CREB5: variants seen among roughly 807,000 people sequenced by gnomAD.
CREB5 encodes cAMP responsive element binding protein 5, also known as cyclic AMP-responsive element-binding protein 5.
A neutral mutation model predicts 57.1 loss-of-function variants in CREB5; 19 were observed. That is an observed-to-expected ratio of 0.33 (90% CI 0.23 to 0.49). CREB5 has a LOEUF of 0.49. Among genes scored for constraint, CREB5 ranks in the 20% least tolerant of loss-of-function variants. The pLI is 0.99. For synonymous variants in CREB5, 238 were observed against 238.3 expected, an observed-to-expected ratio of 1.00 and a Z score of 0.01; for missense variants, 579 against 671.6, an observed-to-expected ratio of 0.86 and a Z score of 1.52.
At chr7:28,756,456 T>C (rs1805307238) in intron 7 of CREB5, among the ~76,000 whole-genome samples, 1 of 151,764 alleles carries the variant, frequency 6.6e-6, no homozygotes, top group Non-Finnish European at 1.5e-5. Context: ...CTAGGGAGGC[T>C]GAGGCAGGAG....
At chr7:28,523,408 G>C (rs560669965) in intron 4 of CREB5, among the ~76,000 whole-genome samples, 8 of 152,242 alleles carry the variant, frequency 5.3e-5, no homozygotes, top group African/African-American at 1.9e-4. Flanking sequence ...TGTGTCCCAG[G>C]TGCTGTGCTA....
chr7:28,663,920 G>A (rs945099862), intron 5 of CREB5, among the ~76,000 whole-genome samples: 1 of 152,140 alleles, frequency 6.6e-6, no homozygotes, highest in African/African-American at 2.4e-5. Context: ...CCTTCCCAAA[G>A]TGCAGGCTAA....
chr7:28,608,115 A>T (rs201406269), intron 5 of CREB5, among the ~76,000 whole-genome samples: 6,198 of 110,470 alleles, frequency 0.056, 202 homozygotes, highest in African/African-American at 0.13. Context: ...TCTCTCTCTC[A>T]CACACACTCA....
chr7:28,630,037 A>G (rs1352891858), intron 5 of CREB5, among the ~76,000 whole-genome samples: 2 of 152,142 alleles, frequency 1.3e-5, no homozygotes, highest in Admixed American at 6.5e-5. Context: ...GTGGCTACCC[A>G]CCTTCTGCCC....
intron 7 of CREB5, among the ~76,000 whole-genome samples, chr7:28,772,434 C>T (rs948588794): frequency 1.1e-4 from 17 of 152,126 alleles, no homozygotes; most frequent in African/African-American, 3.6e-4. Flanking sequence ...GCCCAGGCGC[C>T]GCTCGAGCCT....
chr7:28,538,948 G>A (rs1794092548), intron 4 of CREB5, among the ~76,000 whole-genome samples: 2 of 152,272 alleles, frequency 1.3e-5, no homozygotes, highest in South Asian at 4.1e-4. Flanking sequence ...TTGTGATCAG[G>A]AGAATGTATT....
intron 7 of CREB5, among the ~76,000 whole-genome samples, chr7:28,737,156 C>A (rs1804028226): frequency 6.6e-6 from 1 of 152,012 alleles, no homozygotes; most frequent in Non-Finnish European, 1.5e-5. Flanking sequence ...GTATCATTAA[C>A]AATAATGTTA....
chr7:28,551,973 C>CT (rs1794678186), intron 4 of CREB5, among the ~76,000 whole-genome samples: 7 of 111,552 alleles, frequency 6.3e-5, no homozygotes, highest in African/African-American at 2.7e-4. Context: ...TTTATTCTCT[C>CT]TTTCTCTCTC....
chr7:28,496,878 A>G (rs1792080857), intron 3 of CREB5, among the ~76,000 whole-genome samples: 1 of 152,072 alleles, frequency 6.6e-6, no homozygotes. Flanking sequence ...GAGAAACTCA[A>G]ATTCATAAGA....
At position 28,718,792 on chromosome 7, in the gene CREB5, C is replaced by A. The variant is rs755160320; in HGVS notation, c.504C>A (p.His168Gln). ...CTCTATCTTCTCTGCTACATCTCCA[C>A]AACAGACAGAGACAGCCCATGCCAG... ...PGSLSSLLHL[H>Q]NRQRQPMPAS... The change falls in exon 6 of 11, where the codon CAC becomes CAA. Residue 168 changes from histidine (H) to glutamine (Q), a missense_variant. Physicochemically the swap from His to Gln is conservative, Grantham distance 24 (BLOSUM62 0). Around this residue, in one of 3 missense-constraint regions of CREB5, gnomAD observed 459 missense variants for 515.7 expected, o/e 0.89. Coordinates refer to ENST00000357727, the MANE Select transcript of CREB5 (RefSeq NM_182898.4). The A allele has an allele frequency of 1.2e-6, 2 of 1,614,124 alleles. No homozygotes were observed. The highest frequency in any genetic ancestry group is 1.7e-6 in the Non-Finnish European group (2 of 1,179,986).
At chr7:28,535,424 GGGAA>G (rs1793913516) in intron 4 of CREB5, among the ~76,000 whole-genome samples, 1 of 138,484 alleles carries the variant, frequency 7.2e-6, no homozygotes, top group South Asian at 2.2e-4. Context: ...GAGGGAGGCA[GGGAA>G]GGAAGGAGAG....
intron 4 of CREB5, among the ~76,000 whole-genome samples, chr7:28,537,195 TTG>T (rs1793997687): frequency 6.6e-6 from 1 of 152,222 alleles, no homozygotes. Flanking sequence ...TTGTCTATAT[TTG>T]AGAAATATGA....
intron 1 of CREB5, among the ~76,000 whole-genome samples, chr7:28,429,667 A>G (rs1245541555): frequency 6.6e-6 from 1 of 152,198 alleles, no homozygotes; most frequent in Non-Finnish European, 1.5e-5. Context: ...CTCTGAAAAG[A>G]AAAGGAATTT....
intron 4 of CREB5, among the ~76,000 whole-genome samples, chr7:28,545,035 G>A (rs1274639362): frequency 1.3e-5 from 2 of 152,140 alleles, no homozygotes; most frequent in Non-Finnish European, 2.9e-5. Context: ...GGCAGATAAG[G>A]AATTGGAGGG....
chr7:28,467,303 G>A (rs753925581), intron 1 of CREB5, among the ~76,000 whole-genome samples: 4 of 152,200 alleles, frequency 2.6e-5, no homozygotes, highest in Admixed American at 6.5e-5. Flanking sequence ...GGGTCATTAG[G>A]ACTGGCCATG....
In CREB5 at chr7:28,522,053, T is replaced by A. The variant is rs184605787; in HGVS notation, c.291+14316T>A. Among the ~76,000 whole-genome samples, 3 of 152,344 alleles carry A rather than the reference T, an allele frequency of 2.0e-5. No individual in the cohort carries two copies. In the East Asian group the frequency reaches 5.8e-4, roughly 29 times the overall value. The stretch of plus-strand genomic sequence containing the variant: ...GTCAGGTGCCGTTCTAGAAGTTTTG[T>A]TTATATTATCCCCGTTCATCATAGC... On this transcript the variant is annotated intron_variant, in intron 4 of 10. Transcript: ENST00000357727.
intron 7 of CREB5, among the ~76,000 whole-genome samples, chr7:28,789,876 A>G (rs1198686881): frequency 7.9e-5 from 12 of 152,208 alleles, no homozygotes; most frequent in Non-Finnish European, 1.0e-4. Context: ...ACCTGGGGTG[A>G]GAGAAGAAAG....
At chr7:28,804,101 A>C (rs1383762254) in intron 7 of CREB5, 98 bp from the exon 8 acceptor site, 2 of 1,118,880 alleles carry the variant, frequency 1.8e-6, no homozygotes, top group African/African-American at 3.1e-5. Context: ...GCATCGTAAA[A>C]TATAGAATTG....
chr7:28,540,255 C>T (rs1196118856), intron 4 of CREB5, among the ~76,000 whole-genome samples: 1 of 152,158 alleles, frequency 6.6e-6, no homozygotes, highest in East Asian at 1.9e-4. Context: ...ATTCTTTTAA[C>T]ATGTCATCTT....
Sources: allele counts gnomAD v4.1 joint callset (sites outside exome capture counted in the v4.1 genomes callset), GRCh38; gene constraint gnomAD v4.1.1; regional missense constraint gnomAD v4.1.1; transcripts MANE v1.5; gene names NCBI Gene and HGNC (gene_info 2026-07-23, HGNC 2026-07-21).